The following DIP2C variants were observed in gnomAD, a reference collection of about 807,000 sequenced individuals.
DIP2C encodes disco-interacting protein 2 homolog C.
DIP2C carries 33 observed loss-of-function variants against 192.4 expected under a neutral mutation model. The ratio of observed to expected loss-of-function variants is 0.17; its 90% CI spans 0.13 to 0.23. DIP2C has a LOEUF of 0.23. Ranked by LOEUF, DIP2C falls within the 10% of genes least tolerant of loss-of-function variation. The pLI, the probability that DIP2C is intolerant of heterozygous loss-of-function variation, is 1.00. For missense variants in DIP2C, 1,537 were observed against 2,110.1 expected (o/e 0.73, Z 5.32); for synonymous variants, 979 against 864.1 (o/e 1.13, Z -2.33).
intron 1 of DIP2C, among the ~76,000 whole-genome samples, chr10:615,534 G>T (rs1317556053): frequency 6.6e-6 from 1 of 152,032 alleles, no homozygotes; most frequent in Non-Finnish European, 1.5e-5. Flanking sequence ...AACTCTCAGG[G>T]TTAGGGTCAG....
At chr10:675,372 A>G (rs1465839927) in intron 1 of DIP2C, among the ~76,000 whole-genome samples, 1 of 152,176 alleles carries the variant, frequency 6.6e-6, no homozygotes, top group Admixed American at 6.5e-5. Context: ...ATGAACTGCA[A>G]TGAGCTAGAA....
intron 1 of DIP2C, among the ~76,000 whole-genome samples, chr10:600,779 GACAA>G (rs1159715151): frequency 6.6e-6 from 1 of 152,200 alleles, no homozygotes; most frequent in African/African-American, 2.4e-5. Context: ...TATCGTTGTG[GACAA>G]ACACTGATTG....
intron 1 of DIP2C, among the ~76,000 whole-genome samples, chr10:639,346 CGGG>C: frequency 7.2e-6 from 1 of 139,332 alleles, no homozygotes; most frequent in Admixed American, 7.2e-5. Flanking sequence ...TGTGTCAGGT[CGGG>C]AGGGTGCTGC....
intron 1 of DIP2C, among the ~76,000 whole-genome samples, chr10:569,764 C>T (rs1269446670): frequency 2.0e-5 from 3 of 152,160 alleles, no homozygotes; most frequent in Non-Finnish European, 4.4e-5. Context: ...CCCTCCTACC[C>T]ACAAAGGCAG....
intron 32 of DIP2C, among the ~76,000 whole-genome samples, chr10:299,027 T>C (rs1300726699): frequency 1.3e-5 from 2 of 152,256 alleles, no homozygotes; most frequent in African/African-American, 2.4e-5. Flanking sequence ...TTCAAAATGA[T>C]AGTAAGCTTG....
chr10:352,660 C>T (rs139815049), intron 24 of DIP2C, among the ~76,000 whole-genome samples: 5 of 152,280 alleles, frequency 3.3e-5, no homozygotes, highest in East Asian at 1.9e-4. Flanking sequence ...CTGGAAAGGA[C>T]GAGGTGAGTG....
At chr10:573,925 TCA>T (rs532424000) in intron 1 of DIP2C, among the ~76,000 whole-genome samples, 1 of 152,198 alleles carries the variant, frequency 6.6e-6, no homozygotes, top group Non-Finnish European at 1.5e-5. Flanking sequence ...CACCACCACA[TCA>T]CAGACTAGAG....
chr10:583,614 G>C (rs181019656), intron 1 of DIP2C, among the ~76,000 whole-genome samples: 2 of 152,294 alleles, frequency 1.3e-5, no homozygotes, highest in East Asian at 3.9e-4. Context: ...TGCACTGCCC[G>C]GGGCTGCTCC....
At chr10:641,568 T>C (rs1855201158) in intron 1 of DIP2C, 1 of 154,086 alleles carries the variant, frequency 6.5e-6, no homozygotes, top group Non-Finnish European at 1.5e-5. Flanking sequence ...GTCAGCTTGA[T>C]TTTCTGCCAG....
At chr10:336,745 T>C (rs1957786355) in intron 29 of DIP2C, among the ~76,000 whole-genome samples, 1 of 152,222 alleles carries the variant, frequency 6.6e-6, no homozygotes, top group South Asian at 2.1e-4. Flanking sequence ...GTCTGCGTCC[T>C]GTCCCTGAAG....
chr10:480,116 C>G (rs1161203038), intron 2 of DIP2C, among the ~76,000 whole-genome samples: 2 of 144,818 alleles, frequency 1.4e-5, no homozygotes, highest in African/African-American at 5.2e-5. Context: ...CTGGATGAGT[C>G]TCACCCGCCA....
chr10:510,015 C>G (rs149029846), intron 1 of DIP2C, among the ~76,000 whole-genome samples: 1 of 152,210 alleles, frequency 6.6e-6, no homozygotes, highest in African/African-American at 2.4e-5. Context: ...CGGGGTGCAG[C>G]GCGGCCTGCA....
At position 349,374 on chromosome 10, in the gene DIP2C, G is replaced by C; in HGVS notation, c.3066C>G (p.Gly1022=). ...EKIAVMLMER[G]HLQDGDHVAL... ...CCACGTGGTCGCCGTCCTGAAGGTGGCCCCTCTCCATCAGCATCACGGCGA... is the reference window on the plus strand; with the variant it reads ...CCACGTGGTCGCCGTCCTGAAGGTGCCCCCTCTCCATCAGCATCACGGCGA... The change falls in exon 25 of 37, where the codon GGC becomes GGG. Residue 1022 remains glycine (G), a synonymous_variant. Coordinates refer to ENST00000280886, the MANE Select transcript of DIP2C (RefSeq NM_014974.3). The C allele has an allele frequency of 6.2e-7, 1 of 1,610,938 alleles. No individual in the cohort carries two copies. Among genetic ancestry groups the C allele is most frequent in the African/African-American group, 1.3e-5 (1 of 75,036 alleles).
At chr10:650,562 A>G (rs1855813864) in intron 1 of DIP2C, 2 of 638,448 alleles carry the variant, frequency 3.1e-6, no homozygotes, top group Non-Finnish European at 5.7e-6. Flanking sequence ...AATGGGATGC[A>G]GAGCCAGGAG....
intron 1 of DIP2C, among the ~76,000 whole-genome samples, chr10:565,314 ACC>A (rs1471120993): frequency 6.6e-6 from 1 of 150,930 alleles, no homozygotes; most frequent in East Asian, 2.0e-4. Flanking sequence ...AGCTGAGGAA[ACC>A]ATGTGACTCC....
chr10:485,430 G>A (rs1021173450), intron 2 of DIP2C, among the ~76,000 whole-genome samples: 2 of 152,188 alleles, frequency 1.3e-5, no homozygotes, highest in Admixed American at 6.5e-5. Context: ...CGGGTTCCTC[G>A]GCGTCTATCC....
At chr10:288,537 C>T (rs1385126444) in intron 32 of DIP2C, 116 bp from the exon 33 acceptor site, 7 of 1,062,296 alleles carry the variant, frequency 6.6e-6, no homozygotes, top group Non-Finnish European at 1.0e-5. Context: ...TTCTGAGCAT[C>T]ATCCAACAGC....
chr10:667,941 C>T (rs1170450970), intron 1 of DIP2C: 2 of 151,838 alleles, frequency 1.3e-5, no homozygotes, highest in Non-Finnish European at 2.9e-5. Flanking sequence ...ACACGACATA[C>T]ACGTACCACA....
chr10:493,940 A>G (rs779765957), intron 1 of DIP2C, among the ~76,000 whole-genome samples: 37 of 152,192 alleles, frequency 2.4e-4, no homozygotes, highest in Non-Finnish European at 5.9e-5. Flanking sequence ...TCCTACCTCC[A>G]ACTACAGGAG....
Sources: allele counts gnomAD v4.1 joint callset (sites outside exome capture counted in the v4.1 genomes callset), GRCh38; gene constraint gnomAD v4.1.1; transcripts MANE v1.5; gene names NCBI Gene and HGNC (gene_info 2026-07-23, HGNC 2026-07-21).